Variants in SERPINB12 observed in about 807,000 individuals in gnomAD.
SERPINB12 encodes serpin family B member 12.
In SERPINB12, 57 loss-of-function variants were observed where a neutral mutation model predicts 41.1. That is an observed-to-expected ratio of 1.39 (90% CI 1.12 to 1.73). SERPINB12 has a LOEUF of 1.73. Among genes scored for constraint, SERPINB12 ranks in the 40% most tolerant of loss-of-function variants. The pLI is 0.00. For synonymous variants in SERPINB12, 180 were observed against 181.3 expected (o/e 0.99, Z 0.06); for missense variants, 536 against 501.9 (o/e 1.07, Z -0.65).
chr18:63,535,883 A>G, the SERPINB12 span, among the ~76,000 whole-genome samples: 2 of 152,130 alleles, frequency 1.3e-5, no homozygotes, highest in African/African-American at 2.4e-5. Flanking sequence ...GCATATATAT[A>G]TGTATTCATG....
rs974936314 is a variant in SERPINB12 at position 63,565,525 on chromosome 18, C to T, written c.786C>T (p.Ile262=). The change falls in exon 7 of 8, where the codon ATC becomes ATT. Residue 262 remains isoleucine (I), a synonymous_variant. Transcript: ENST00000382768. The part of the protein sequence containing the change: ...IGFIEEVKAQ[I]LEMRYTKGKL... ...TCATAGAGGAGGTGAAGGCACAGAT[C>T]CTGGAAATGAGGTACACCAAGGGGA... 2.5e-6 allele frequency: 4 copies of T among 1,614,016 alleles called. No homozygotes were observed. Among genetic ancestry groups the T allele is most frequent in the Non-Finnish European group, 3.4e-6 (4 of 1,179,968 alleles).
chr18:63,555,462 C>T (rs1214876915), intron 1 of SERPINB12, among the ~76,000 whole-genome samples: 1 of 152,208 alleles, frequency 6.6e-6, no homozygotes, highest in Non-Finnish European at 1.5e-5. Context: ...TACGTGAATA[C>T]AGGGAGTTCC....
chr18:63,555,654 T>A (rs1910648433), intron 1 of SERPINB12, among the ~76,000 whole-genome samples: 1 of 152,022 alleles, frequency 6.6e-6, no homozygotes, highest in African/African-American at 2.4e-5. Context: ...AAGAGGGAAA[T>A]TTGGATACAT....
chr18:63,552,520 T>C lies in SERPINB12; in HGVS notation c.-18-3622T>C, dbSNP rs574998315. Among the ~76,000 whole-genome samples the C allele has an allele frequency of 2.0e-5, 3 of 152,338 alleles. No homozygotes were observed. In the East Asian group the frequency reaches 5.8e-4, roughly 29 times the overall value. ...AAATTGCCTATTTGAATCTGTGTTA[T>C]TAGCATAATCAAATCTTAATGAGTG... On this transcript the variant is annotated intron_variant, in intron 1 of 7. Coordinates refer to ENST00000382768, the MANE Select transcript of SERPINB12 (RefSeq NM_001307928.2).
At chr18:63,545,966 T>C (rs1030714155) in intron 1 of SERPINB12, among the ~76,000 whole-genome samples, 2 of 152,196 alleles carry the variant, frequency 1.3e-5, no homozygotes, top group Non-Finnish European at 2.9e-5. Context: ...CTATTGATAA[T>C]TCAGAAAAAC....
chr18:63,521,651 G>C, the SERPINB12 span, among the ~76,000 whole-genome samples: 1 of 152,192 alleles, frequency 6.6e-6, no homozygotes, highest in African/African-American at 2.4e-5. Flanking sequence ...AAAATTAAGA[G>C]GGGTAAGAAT....
At position 63,568,984 on chromosome 18, in the gene SERPINB12, C is replaced by A. The variant is rs1911208234; in HGVS notation, c.*1973C>A. On this transcript the variant is annotated 3_prime_UTR_variant, in exon 8 of 8. Transcript: ENST00000382768. ...TTTCAGATAACCAAAAACTTCATGT[C>A]CCCTGTGGTTCCTTTTGGGGTTGAC... Among the ~76,000 whole-genome samples, 1 of 152,194 alleles carries A rather than the reference C, an allele frequency of 6.6e-6. No individual in the cohort carries two copies. Among genetic ancestry groups the A allele is most frequent in the African/African-American group, 2.4e-5 (1 of 41,436 alleles).
chr18:63,553,369 T>C (rs1272079645), intron 1 of SERPINB12, among the ~76,000 whole-genome samples: 1 of 152,024 alleles, frequency 6.6e-6, no homozygotes, highest in East Asian at 1.9e-4. Flanking sequence ...TTGGCCTCAG[T>C]TTTTTTTATC....
At chr18:63,528,815 G>A in the SERPINB12 span, among the ~76,000 whole-genome samples, 1 of 150,482 alleles carries the variant, frequency 6.6e-6, no homozygotes, top group African/African-American at 2.4e-5. Context: ...TATCAGAAAG[G>A]GCTTGCCAAA....
intron 3 of SERPINB12, among the ~76,000 whole-genome samples, chr18:63,559,019 T>TTTC (rs1910788121): frequency 1.6e-5 from 1 of 63,240 alleles, no homozygotes; most frequent in Admixed American, 1.8e-4. Flanking sequence ...TCTTTCTTTC[T>TTTC]TTCTTTCTTT....
Position 63,556,258 on chromosome 18 carries a change from G to C in SERPINB12, c.99G>C (p.Leu33=). ...ATAAAAACATATTTTTCTCTCCCCTGAGCCTCTCAGCTGCCCTTGGTATGG... is the reference window on the plus strand; with the variant it reads ...ATAAAAACATATTTTTCTCTCCCCTCAGCCTCTCAGCTGCCCTTGGTATGG... ...DRHKNIFFSP[L]SLSAALGMVR... is the part of the protein sequence containing the mutation. Residue 33 remains leucine (L), a synonymous_variant, in exon 2 of 8, where the codon CTG becomes CTC. Transcript: ENST00000382768. The C allele has an allele frequency of 1.9e-6, 3 of 1,614,018 alleles. No individual in the cohort carries two copies. The highest frequency in any genetic ancestry group is 3.3e-4 in the Middle Eastern group (2 of 6,062).
the SERPINB12 span, among the ~76,000 whole-genome samples, chr18:63,533,351 G>A: frequency 6.6e-6 from 1 of 152,192 alleles, no homozygotes; most frequent in African/African-American, 2.4e-5. Context: ...TCCTGACTAT[G>A]ATATTCAATC....
chr18:63,562,656 A>G (rs1356477074), intron 5 of SERPINB12, among the ~76,000 whole-genome samples: 2 of 152,168 alleles, frequency 1.3e-5, no homozygotes, highest in Non-Finnish European at 2.9e-5. Context: ...TTCATAGGCC[A>G]TAAAAATGAC....
chr18:63,557,196 G>T (rs1381252881), intron 2 of SERPINB12, among the ~76,000 whole-genome samples: 1 of 151,992 alleles, frequency 6.6e-6, no homozygotes, highest in African/African-American at 2.4e-5. Flanking sequence ...CTATCTTGGG[G>T]CCTTTGCTCT....
chr18:63,539,074 C>T (rs184006984), upstream of SERPINB12, among the ~76,000 whole-genome samples: 33 of 152,234 alleles, frequency 2.2e-4, no homozygotes, highest in East Asian at 7.7e-4. Context: ...GCTGAGACCA[C>T]CAACCTTTCT....
chr18:63,563,718 G>A (rs1054394904), intron 5 of SERPINB12, among the ~76,000 whole-genome samples: 10 of 152,060 alleles, frequency 6.6e-5, no homozygotes, highest in African/African-American at 9.7e-5. Flanking sequence ...CCAACATGGC[G>A]AAACCCCTTC....
intron 5 of SERPINB12, among the ~76,000 whole-genome samples, chr18:63,561,987 A>G (rs1910925503): frequency 6.6e-6 from 1 of 152,216 alleles, no homozygotes. Context: ...CTGCACATGT[A>G]CTTCCTGTAT....
chr18:63,522,250 C>T, the SERPINB12 span, among the ~76,000 whole-genome samples: 1 of 152,172 alleles, frequency 6.6e-6, no homozygotes, highest in African/African-American at 2.4e-5. Context: ...GTATAAACAA[C>T]TTAAAACTAA....
chr18:63,543,232 C>T (rs565069252), intron 1 of SERPINB12, among the ~76,000 whole-genome samples: 1 of 152,166 alleles, frequency 6.6e-6, no homozygotes, highest in Non-Finnish European at 1.5e-5. Context: ...TGCAGGTCAT[C>T]TAGTTGGACT....
Sources: allele counts gnomAD v4.1 joint callset (sites outside exome capture counted in the v4.1 genomes callset), GRCh38; gene constraint gnomAD v4.1.1; transcripts MANE v1.5; gene names NCBI Gene and HGNC (gene_info 2026-07-23, HGNC 2026-07-21).